The following ADGRE3 variants were observed in gnomAD, a reference collection of about 807,000 sequenced individuals.
ADGRE3 encodes the protein adhesion G protein-coupled receptor E3.
Under a neutral mutation model 80.1 loss-of-function variants are expected in ADGRE3, and 88 were observed. The observed-to-expected ratio is 1.10, with a 90% CI of 0.93 to 1.31. ADGRE3 has a LOEUF of 1.31. Ranked by LOEUF, ADGRE3 falls within the 40% of genes most tolerant of loss-of-function variation. The probability of loss-of-function intolerance (pLI) is 0.00; values close to 1 mark genes in which losing one functional copy is unlikely to be tolerated. For synonymous variants in ADGRE3, 281 were observed against 294.8 expected, an observed-to-expected ratio of 0.95 and a Z score of 0.48; for missense variants, 715 against 776.5, an observed-to-expected ratio of 0.92 and a Z score of 0.94.
chr19:14,612,592 C>T, the ADGRE3 span, among the ~76,000 whole-genome samples: 31 of 152,264 alleles, frequency 2.0e-4, no homozygotes, highest in African/African-American at 6.7e-4. Flanking sequence ...ACCTTGGTCC[C>T]CCAAAGTGCT....
In ADGRE3 at chr19:14,655,098, C is replaced by T. The variant is rs2146877612; in HGVS notation, c.461G>A (p.Arg154Lys). 1.2e-6 allele frequency: 2 copies of T among 1,614,124 alleles called. No homozygotes were observed. The highest frequency in any genetic ancestry group is 8.5e-7 in the Non-Finnish European group (1 of 1,180,010). ...GGTAGCTGTGGATGAGATTTCTTGT[C>T]TCCCTTCTGTTCTCCATAAAGTCTG... ...TNQTLWRTEG[R>K]QEISSTATTI... is the part of the protein sequence containing the mutation. The change falls in exon 6 of 16, where the codon AGA (arginine) becomes AAA (lysine). Residue 154 changes from arginine to lysine, a missense_variant. By Grantham distance (26) the Arg-to-Lys change is conservative. Coordinates refer to ENST00000253673, the MANE Select transcript of ADGRE3 (RefSeq NM_032571.5).
chr19:14,671,958 C>T (rs1397572004), intron 1 of ADGRE3, among the ~76,000 whole-genome samples: 6 of 152,170 alleles, frequency 3.9e-5, no homozygotes, highest in South Asian at 2.1e-4. Context: ...CTGTGTTGAC[C>T]GAGCTGGTCT....
downstream of ADGRE3, among the ~76,000 whole-genome samples, chr19:14,617,007 C>T (rs1454830239): frequency 1.3e-5 from 2 of 150,298 alleles, no homozygotes; most frequent in Admixed American, 1.3e-4. Flanking sequence ...GTTGGTCAGG[C>T]TGGTCTCGAA....
the ADGRE3 span, among the ~76,000 whole-genome samples, chr19:14,604,186 G>A: frequency 6.6e-6 from 1 of 152,122 alleles, no homozygotes; most frequent in African/African-American, 2.4e-5. Context: ...CACCTCCCTG[G>A]GGCTTTACCC....
intron 11 of ADGRE3, among the ~76,000 whole-genome samples, chr19:14,636,149 T>TTTCTTCCTTCCTTCCTTC (rs1555755847): frequency 2.5e-5 from 1 of 40,544 alleles, no homozygotes; most frequent in Non-Finnish European, 5.4e-5. Flanking sequence ...TTTCTTTCTT[T>TTTCTTCCTTCCTTCCTTC]CTTCCTTTCC....
At position 14,658,505 on chromosome 19, in the gene ADGRE3, C is replaced by A; in HGVS notation, c.393+8G>T. On this transcript the variant is annotated splice_region_variant and intron_variant, in intron 5 of 15. Transcript: ENST00000253673. The stretch of plus-strand genomic sequence containing the variant: ...CTGGGAAGGGTCTGGGGATCAGCCT[C>A]CACTCACCTCTTTCCTGCCCTCGGT... 1 of 1,560,134 alleles carries A rather than the reference C, an allele frequency of 6.4e-7. No individual in the cohort carries two copies. Among genetic ancestry groups the A allele is most frequent in the South Asian group, 1.2e-5 (1 of 84,126 alleles).
At chr19:14,636,143 T>TTTCA in intron 11 of ADGRE3, among the ~76,000 whole-genome samples, 1 of 100,424 alleles carries the variant, frequency 1.0e-5, no homozygotes, top group Admixed American at 1.3e-4. Context: ...TCTTTCTTTC[T>TTTCA]TTCTTTCTTC....
At chr19:14,600,266 G>A in the ADGRE3 span, 1 of 1,498,926 alleles carries the variant, frequency 6.7e-7, no homozygotes, top group African/African-American at 1.4e-5. Context: ...CCCTTCCCTG[G>A]ATGGCAAGAA....
At chr19:14,653,299 A>G (rs1041242144) in intron 6 of ADGRE3, among the ~76,000 whole-genome samples, 2 of 152,006 alleles carry the variant, frequency 1.3e-5, no homozygotes, top group Non-Finnish European at 2.9e-5. Flanking sequence ...TTCATCATCC[A>G]TTATATTATC....
chr19:14,616,889 G>C (rs542069942), downstream of ADGRE3, among the ~76,000 whole-genome samples: 6 of 151,610 alleles, frequency 4.0e-5, no homozygotes, highest in Non-Finnish European at 8.8e-5. Flanking sequence ...CCATCTCCCG[G>C]GTTCAAGTGA....
intron 15 of ADGRE3, among the ~76,000 whole-genome samples, chr19:14,624,640 A>C (rs1970687004): frequency 6.6e-6 from 1 of 151,814 alleles, no homozygotes. Context: ...TTGTGGTCTC[A>C]GCTACTCAGG....
chr19:14,611,723 C>T, the ADGRE3 span, among the ~76,000 whole-genome samples: 15 of 152,100 alleles, frequency 9.9e-5, no homozygotes, highest in Admixed American at 7.9e-4. Flanking sequence ...CTTTACTTGC[C>T]AGGCACAGTG....
Position 14,645,572 on chromosome 19 carries a change from T to G in ADGRE3, c.883-1297A>C, listed in dbSNP as rs541736047. The stretch of plus-strand genomic sequence containing the variant: ...TACTTGGGAGGCTGAGGCAGGAGAA[T>G]CGCTTGGGCCTGGGAGGCGGAGGTT... On this transcript the variant is annotated intron_variant, in intron 8 of 15. Transcript: ENST00000253673. 2.0e-5 allele frequency among the ~76,000 whole-genome samples: 3 copies of G among 151,408 alleles called. No homozygotes were observed. The South Asian group carries it at 6.3e-4, about 32-fold the overall frequency.
At position 14,662,998 on chromosome 19, in the gene ADGRE3, G is replaced by A. The variant is rs80002121; in HGVS notation, c.199+420C>T. ...GGCTTGATCCCAGGAGTTGGAGGCT[G>A]CAGTGAGTGTTTTTATTTATTTTGA... On this transcript the variant is annotated intron_variant, in intron 3 of 15. Coordinates refer to ENST00000253673, the MANE Select transcript of ADGRE3 (RefSeq NM_032571.5). Among the ~76,000 whole-genome samples, 182 of 151,730 alleles carry A rather than the reference G, an allele frequency of 1.2e-3. 1 individual carries two copies. Among genetic ancestry groups the A allele is most frequent in the African/African-American group, 4.2e-3 (175 of 41,380 alleles).
downstream of ADGRE3, among the ~76,000 whole-genome samples, chr19:14,617,341 C>CCTTCCTTCCTTT (rs1555752262): frequency 1.7e-5 from 1 of 57,170 alleles, no homozygotes; most frequent in African/African-American, 5.9e-5. Flanking sequence ...TCCCTCCCTC[C>CCTTCCTTCCTTT]CTTTCTTTCT....
At chr19:14,644,767 C>A (rs1402516704) in intron 8 of ADGRE3, among the ~76,000 whole-genome samples, 2 of 151,310 alleles carry the variant, frequency 1.3e-5, no homozygotes, top group Non-Finnish European at 3.0e-5. Context: ...ATTCTGTCAC[C>A]CAGGCTGGAG....
chr19:14,620,524 G>T (rs1341600951), intron 15 of ADGRE3, among the ~76,000 whole-genome samples: 1 of 19,278 alleles, frequency 5.2e-5, no homozygotes, highest in African/African-American at 2.0e-4. Context: ...GACTATATAT[G>T]AATATATATA....
intron 10 of ADGRE3, 117 bp downstream of exon 10, chr19:14,641,302 A>T: frequency 7.9e-7 from 1 of 1,267,632 alleles, no homozygotes; most frequent in Non-Finnish European, 1.1e-6. Context: ...CGGGAAAATT[A>T]TATTTTTCTC....
downstream of ADGRE3, among the ~76,000 whole-genome samples, chr19:14,615,202 C>T (rs8108158): frequency 0.037 from 2,471 of 65,948 alleles, 237 homozygotes; most frequent in Middle Eastern, 0.093. Flanking sequence ...CAGCTGCCTT[C>T]TTTTTTTTTT....
Sources: allele counts gnomAD v4.1 joint callset (sites outside exome capture counted in the v4.1 genomes callset), GRCh38; gene constraint gnomAD v4.1.1; transcripts MANE v1.5; gene names NCBI Gene and HGNC (gene_info 2026-07-23, HGNC 2026-07-21).